NLGN1: variants seen among roughly 807,000 people sequenced by gnomAD.
NLGN1 encodes the protein neuroligin 1.
In NLGN1, 12 loss-of-function variants were observed where a neutral mutation model predicts 65.5. The observed-to-expected ratio is 0.18, with a 90% CI of 0.12 to 0.30. NLGN1 has a LOEUF of 0.30. NLGN1 is among the 10% of genes least tolerant of loss of function. The pLI is 1.00. For synonymous variants in NLGN1, 350 were observed against 359.5 expected (o/e 0.97, Z 0.30); for missense variants, 750 against 1,007.1 (o/e 0.74, Z 3.46).
At chr3:174,137,074 T>C (rs1036277388) in intron 4 of NLGN1, among the ~76,000 whole-genome samples, 2 of 152,152 alleles carry the variant, frequency 1.3e-5, no homozygotes, top group African/African-American at 4.8e-5. Flanking sequence ...GAATATCTCA[T>C]GTAATTTATT....
intron 4 of NLGN1, among the ~76,000 whole-genome samples, chr3:174,113,680 A>C (rs778167353): frequency 1.1e-4 from 16 of 152,166 alleles, no homozygotes; most frequent in Non-Finnish European, 1.5e-4. Flanking sequence ...GGCATAAATA[A>C]CACTTATCTA....
At chr3:174,196,316 C>CT (rs35556803) in intron 4 of NLGN1, among the ~76,000 whole-genome samples, 3 of 151,762 alleles carry the variant, frequency 2.0e-5, no homozygotes, top group Admixed American at 2.0e-4. Flanking sequence ...TTTTTTTTCT[C>CT]TTTTTTTCGC....
intron 3 of NLGN1, among the ~76,000 whole-genome samples, chr3:173,738,607 A>G (rs922493890): frequency 3.9e-5 from 6 of 152,076 alleles, no homozygotes; most frequent in Admixed American, 3.9e-4. Context: ...TTATATGTCT[A>G]CCCTTCTTCC....
intron 2 of NLGN1, among the ~76,000 whole-genome samples, chr3:173,477,078 G>A (rs577346868): frequency 1.6e-4 from 25 of 152,222 alleles, no homozygotes; most frequent in African/African-American, 6.0e-4. Context: ...ATGAGCATCA[G>A]CAGCCAGTTG....
At chr3:174,274,003 TTTCAAATTGAATAAAATAGTTGTTATC>T (rs1466473368) in intron 4 of NLGN1, among the ~76,000 whole-genome samples, 3 of 151,754 alleles carry the variant, frequency 2.0e-5, no homozygotes, top group Non-Finnish European at 1.5e-5. Context: ...AAGAGATATA[TTTCAAATTGAATAAAATAGTTGTTATC>T]ACAATCATTG....
upstream of NLGN1, chr3:173,398,330 C>G: frequency 6.6e-6 from 1 of 152,294 alleles, no homozygotes. Context: ...GTTTTCAGAT[C>G]TGTGTGTTTC....
intron 4 of NLGN1, among the ~76,000 whole-genome samples, chr3:173,979,289 A>G (rs564793190): frequency 6.6e-6 from 1 of 152,208 alleles, no homozygotes; most frequent in East Asian, 1.9e-4. Flanking sequence ...CCAAGAGGTG[A>G]CTTTGTTTGA....
intron 4 of NLGN1, among the ~76,000 whole-genome samples, chr3:173,838,697 G>T (rs1016585349): frequency 2.6e-5 from 4 of 152,178 alleles, no homozygotes; most frequent in African/African-American, 9.7e-5. Flanking sequence ...GTGAGAAAAA[G>T]TGGGTAATGA....
At chr3:174,203,988 C>T (rs1011832616) in intron 4 of NLGN1, among the ~76,000 whole-genome samples, 1 of 152,004 alleles carries the variant, frequency 6.6e-6, no homozygotes, top group African/African-American at 2.4e-5. Flanking sequence ...TTTATCATAG[C>T]ATTAATATTA....
At chr3:173,559,340 C>T (rs1742269378) in intron 2 of NLGN1, among the ~76,000 whole-genome samples, 3 of 152,164 alleles carry the variant, frequency 2.0e-5, no homozygotes, top group Admixed American at 6.5e-5. Context: ...AAGGCATGGC[C>T]TATTTATCCT....
chr3:174,143,231 A>C (rs13326147), intron 4 of NLGN1, among the ~76,000 whole-genome samples: 10,634 of 152,212 alleles, frequency 0.07, 512 homozygotes, highest in African/African-American at 0.13. Flanking sequence ...TATTTATATT[A>C]AATAGTACAT....
intron 3 of NLGN1, among the ~76,000 whole-genome samples, chr3:173,747,795 C>CTTTTTTTTT (rs1560289220): frequency 3.8e-5 from 3 of 78,576 alleles, no homozygotes; most frequent in African/African-American, 1.9e-4. Context: ...TCTTCTTCTT[C>CTTTTTTTTT]TTGTTCTTTT....
chr3:174,094,324 C>G (rs900448711), intron 4 of NLGN1, among the ~76,000 whole-genome samples: 1 of 152,088 alleles, frequency 6.6e-6, no homozygotes. Flanking sequence ...ATTTTAAATA[C>G]TCATTATCTT....
At chr3:174,016,794 C>A (rs893568529) in intron 4 of NLGN1, among the ~76,000 whole-genome samples, 1 of 152,072 alleles carries the variant, frequency 6.6e-6, no homozygotes, top group Non-Finnish European at 1.5e-5. Context: ...ATACCTGAAG[C>A]CACATAGCAG....
At chr3:174,053,557 G>A (rs1244979508) in intron 4 of NLGN1, among the ~76,000 whole-genome samples, 2 of 151,932 alleles carry the variant, frequency 1.3e-5, no homozygotes, top group East Asian at 3.9e-4. Context: ...TTGTTTTGAT[G>A]TGCTGGTATT....
chr3:173,568,496 A>G (rs1744096675), intron 2 of NLGN1, among the ~76,000 whole-genome samples: 1 of 152,058 alleles, frequency 6.6e-6, no homozygotes, highest in Non-Finnish European at 1.5e-5. Flanking sequence ...CGGCCTCCCA[A>G]ATTGTTGGGA....
rs569242959 is a variant in NLGN1, at chr3:173,411,698, C to T, written c.-390+13211C>T. Among the ~76,000 whole-genome samples, 11 of 152,194 alleles carry T rather than the reference C, an allele frequency of 7.2e-5. No individual in the cohort carries two copies. In the East Asian group the frequency reaches 2.1e-3, roughly 29 times the overall value. Reference sequence around the variant, plus strand: ...TATTAAGCATCTATTCCTACCCCGCCCTCCAAACCCCCTCATCTCTTATCT... The same window carrying T: ...TATTAAGCATCTATTCCTACCCCGCTCTCCAAACCCCCTCATCTCTTATCT... On this transcript the variant is annotated intron_variant, in intron 1 of 6. Coordinates refer to ENST00000457714, the Ensembl canonical transcript of NLGN1.
intron 4 of NLGN1, among the ~76,000 whole-genome samples, chr3:174,096,057 G>A (rs922575675): frequency 6.6e-6 from 1 of 151,470 alleles, no homozygotes; most frequent in Admixed American, 6.6e-5. Context: ...ACACCATCAT[G>A]AGCCTTATAT....
At chr3:173,880,993 A>G (rs1400031544) in intron 4 of NLGN1, among the ~76,000 whole-genome samples, 1 of 152,204 alleles carries the variant, frequency 6.6e-6, no homozygotes, top group African/African-American at 2.4e-5. Context: ...TCTCAAAAAA[A>G]ACCACTTTCT....
Sources: allele counts gnomAD v4.1 joint callset (sites outside exome capture counted in the v4.1 genomes callset), GRCh38; gene constraint gnomAD v4.1.1; transcripts MANE v1.5; gene names NCBI Gene and HGNC (gene_info 2026-07-23, HGNC 2026-07-21).